The following RGS8 variants were observed in gnomAD, a reference collection of about 807,000 sequenced individuals.
The protein encoded by RGS8 is regulator of G-protein signaling 8.
RGS8 carries 8 observed loss-of-function variants against 21.7 expected under a neutral mutation model. The observed-to-expected ratio is 0.37, with a 90% CI of 0.22 to 0.66. RGS8 has a LOEUF of 0.66. RGS8 is among the 30% of genes least tolerant of loss of function. The pLI, the probability that RGS8 is intolerant of heterozygous loss-of-function variation, is 0.59. For missense variants in RGS8, 157 were observed against 217.9 expected (o/e 0.72, Z 1.76); for synonymous variants, 80 against 83.6 (o/e 0.96, Z 0.24).
the RGS8 span, chr1:182,714,664 G>A: frequency 6.6e-6 from 1 of 152,254 alleles, no homozygotes; most frequent in African/African-American, 2.4e-5. Flanking sequence ...TGGAATGAGT[G>A]AATGAATTGC....
At chr1:182,748,195 A>G in the RGS8 span, among the ~76,000 whole-genome samples, 1 of 152,176 alleles carries the variant, frequency 6.6e-6, no homozygotes, top group Non-Finnish European at 1.5e-5. Context: ...TGTACAATAG[A>G]TCTCTTGAAA....
At chr1:182,704,811 C>T in the RGS8 span, among the ~76,000 whole-genome samples, 1 of 152,164 alleles carries the variant, frequency 6.6e-6, no homozygotes, top group African/African-American at 2.4e-5. Flanking sequence ...GAAGAATTCG[C>T]ACAAGACACC....
the RGS8 span, among the ~76,000 whole-genome samples, chr1:182,703,082 T>C: frequency 1.4e-4 from 22 of 152,372 alleles, no homozygotes; most frequent in Middle Eastern, 3.4e-3. Context: ...CCATGCACTT[T>C]GCAATGCTGG....
chr1:182,683,152 A>T (rs1664591696), intron 1 of RGS8, among the ~76,000 whole-genome samples: 1 of 152,202 alleles, frequency 6.6e-6, no homozygotes, highest in Admixed American at 6.5e-5. Flanking sequence ...CTCACTTATC[A>T]CCTTTCCAGT....
chr1:182,718,164 A>G, the RGS8 span, among the ~76,000 whole-genome samples: 11 of 152,322 alleles, frequency 7.2e-5, no homozygotes, highest in Middle Eastern at 3.4e-3. Flanking sequence ...TCCAAAGGTA[A>G]GAGAGAGTTG....
At chr1:182,735,104 C>T in the RGS8 span, among the ~76,000 whole-genome samples, 1 of 152,232 alleles carries the variant, frequency 6.6e-6, no homozygotes, top group East Asian at 1.9e-4. Flanking sequence ...TTCAGGCTAA[C>T]CCCATTTTAA....
upstream of RGS8, among the ~76,000 whole-genome samples, chr1:182,675,361 A>G (rs1557900565): frequency 6.6e-6 from 1 of 152,076 alleles, no homozygotes; most frequent in Non-Finnish European, 1.5e-5. Context: ...GAGGTTATTC[A>G]ACCCCCAGCA....
upstream of RGS8, among the ~76,000 whole-genome samples, chr1:182,675,087 T>C (rs909687905): frequency 1.3e-5 from 2 of 152,138 alleles, no homozygotes; most frequent in African/African-American, 4.8e-5. Context: ...TATACTCTTC[T>C]CTAAACAGAC....
the RGS8 span, chr1:182,734,661 C>T: frequency 2.0e-5 from 3 of 152,114 alleles, no homozygotes; most frequent in Admixed American, 1.3e-4. Context: ...GTAATAGAAT[C>T]TACTAATATT....
the RGS8 span, among the ~76,000 whole-genome samples, chr1:182,706,708 C>A: frequency 6.6e-6 from 1 of 151,638 alleles, no homozygotes; most frequent in African/African-American, 2.4e-5. Context: ...CTCAGATATC[C>A]ACCCACCTCA....
the RGS8 span, among the ~76,000 whole-genome samples, chr1:182,731,719 T>C: frequency 6.6e-6 from 1 of 152,212 alleles, no homozygotes; most frequent in East Asian, 1.9e-4. Context: ...ACGATTTAAA[T>C]GAAAACACAA....
At chr1:182,686,197 T>C (rs1248601556), upstream of RGS8, among the ~76,000 whole-genome samples, 1 of 152,168 alleles carries the variant, frequency 6.6e-6, no homozygotes, top group Non-Finnish European at 1.5e-5. Flanking sequence ...GAGTGTTCTT[T>C]CTAGGGAGGC....
the RGS8 span, among the ~76,000 whole-genome samples, chr1:182,741,184 C>T: frequency 1.4e-5 from 2 of 142,904 alleles, no homozygotes; most frequent in Non-Finnish European, 3.1e-5. Flanking sequence ...GGGTGGGGGG[C>T]TGACCCCCCC....
chr1:182,741,617 G>C, the RGS8 span, among the ~76,000 whole-genome samples: 1 of 125,168 alleles, frequency 8.0e-6, no homozygotes, highest in Non-Finnish European at 1.8e-5. Flanking sequence ...CGGCTGGCTG[G>C]GCGGGGGGCT....
At chr1:182,661,142 T>C (rs190964742) in intron 5 of RGS8, among the ~76,000 whole-genome samples, 22 of 151,868 alleles carry the variant, frequency 1.4e-4, no homozygotes, top group Admixed American at 1.4e-3. Flanking sequence ...AGTCATTATA[T>C]TTTTATATCT....
the RGS8 span, among the ~76,000 whole-genome samples, chr1:182,728,268 A>G: frequency 1.3e-5 from 2 of 152,248 alleles, no homozygotes; most frequent in Non-Finnish European, 2.9e-5. Flanking sequence ...CATTCCTAAG[A>G]AAATAGAACA....
exon 7 of RGS8, chr1:182,646,677 G>T (rs575250014): frequency 6.8e-7 from 1 of 1,469,400 alleles, no homozygotes; most frequent in Non-Finnish European, 9.3e-7. Context: ...ATTAGAATAT[G>T]ATCTTGGCAG....
chr1:182,746,206 C>T, the RGS8 span, among the ~76,000 whole-genome samples: 2 of 152,282 alleles, frequency 1.3e-5, no homozygotes, highest in South Asian at 4.1e-4. Flanking sequence ...TGATCATCCA[C>T]CAATCCGCTG....
chr1:182,736,868 T>A, the RGS8 span, among the ~76,000 whole-genome samples: 1 of 152,202 alleles, frequency 6.6e-6, no homozygotes, highest in Non-Finnish European at 1.5e-5. Context: ...GACATGTCCA[T>A]ATAGAGAGGC....
Sources: gnomAD v4.1 joint callset for allele counts (sites outside exome capture counted in the v4.1 genomes callset) on GRCh38, gnomAD v4.1.1 for gene constraint, MANE v1.5 for transcripts, NCBI Gene and HGNC (gene_info 2026-07-23, HGNC 2026-07-21) for gene names.